Variants in MACROD2 observed in about 807,000 individuals in gnomAD.
MACROD2 encodes mono-ADP ribosylhydrolase 2.
In MACROD2, 36 loss-of-function variants were observed where a neutral mutation model predicts 70.4. The observed-to-expected ratio is 0.51, with a 90% CI of 0.39 to 0.68. The LOEUF is 0.68. Ranked by LOEUF, MACROD2 falls within the 30% of genes least tolerant of loss-of-function variation. The pLI, the probability that MACROD2 is intolerant of heterozygous loss-of-function variation, is 0.00. For missense variants in MACROD2, 496 were observed against 538.4 expected (o/e 0.92, Z 0.78); for synonymous variants, 172 against 178.8 (o/e 0.96, Z 0.30).
chr20:15,663,483 A>C (rs745651723), intron 8 of MACROD2, among the ~76,000 whole-genome samples: 2 of 151,904 alleles, frequency 1.3e-5, no homozygotes, highest in Non-Finnish European at 2.9e-5. Context: ...TGATCTGCCC[A>C]CCTCGGCCTC....
intron 5 of MACROD2, among the ~76,000 whole-genome samples, chr20:14,773,435 G>GT (rs2072196379): frequency 6.6e-6 from 1 of 151,880 alleles, no homozygotes; most frequent in South Asian, 2.1e-4. Flanking sequence ...TTGAGTTTGA[G>GT]TTTTTAGACT....
intron 3 of MACROD2, among the ~76,000 whole-genome samples, chr20:14,348,291 T>G (rs867185427): frequency 5.1e-5 from 7 of 137,524 alleles, no homozygotes; most frequent in African/African-American, 1.9e-4. Context: ...ATAAATAAAA[T>G]AAAGAAAGAA....
At chr20:15,525,300 G>T (rs2047707108) in intron 8 of MACROD2, among the ~76,000 whole-genome samples, 1 of 152,194 alleles carries the variant, frequency 6.6e-6, no homozygotes, top group South Asian at 2.1e-4. Flanking sequence ...CAAGGAAAGG[G>T]ATCATGTGCT....
chr20:14,180,958 CAT>C (rs2081300400), intron 3 of MACROD2, among the ~76,000 whole-genome samples: 1 of 151,888 alleles, frequency 6.6e-6, no homozygotes, highest in South Asian at 2.1e-4. Flanking sequence ...TTGGAAGAAA[CAT>C]GTATTCACTA....
At chr20:15,382,531 A>C (rs1344329930) in intron 6 of MACROD2, among the ~76,000 whole-genome samples, 5 of 152,216 alleles carry the variant, frequency 3.3e-5, no homozygotes, top group African/African-American at 1.2e-4. Flanking sequence ...ATAAACGTAG[A>C]CAGGAATGAA....
Position 15,967,591 on chromosome 20 carries a change from G to C in MACROD2, c.946G>C (p.Val316Leu). Reference sequence around the variant, plus strand: ...TGAAAATATTACAAAAGGCGGTGAAGTGACAGATCATTCTGTGCGTGACCA... The same window carrying C: ...TGAAAATATTACAAAAGGCGGTGAACTGACAGATCATTCTGTGCGTGACCA... ...KDENITKGGE[V>L]TDHSVRDQDH... Residue 316 changes from valine (V) to leucine (L), a missense_variant, in exon 13 of 18, where the codon GTG becomes CTG. Transcript: ENST00000684519. 6.2e-7 allele frequency: 1 copy of C among 1,608,116 alleles called. No homozygotes were observed. The highest frequency in any genetic ancestry group is 8.5e-7 in the Non-Finnish European group (1 of 1,177,098).
At chr20:14,379,037 A>T (rs986646551) in intron 3 of MACROD2, among the ~76,000 whole-genome samples, 4 of 152,170 alleles carry the variant, frequency 2.6e-5, no homozygotes, top group Admixed American at 2.0e-4. Context: ...CCCAATAATA[A>T]TAATGACTAG....
intron 13 of MACROD2, among the ~76,000 whole-genome samples, chr20:15,970,543 TG>T (rs2066214545): frequency 6.6e-6 from 1 of 152,100 alleles, no homozygotes; most frequent in African/African-American, 2.4e-5. Flanking sequence ...ATTGCCCAGC[TG>T]GCTGCCTGGA....
chr20:14,625,177 A>T (rs1208658620), intron 4 of MACROD2, among the ~76,000 whole-genome samples: 3 of 151,918 alleles, frequency 2.0e-5, no homozygotes, highest in Admixed American at 6.6e-5. Context: ...AAAGACAATA[A>T]TTAGCTAGGC....
At chr20:14,339,866 T>A (rs532220736) in intron 3 of MACROD2, among the ~76,000 whole-genome samples, 1 of 152,332 alleles carries the variant, frequency 6.6e-6, no homozygotes, top group East Asian at 1.9e-4. Context: ...GGCAAACTCT[T>A]AGTAGAATCT....
chr20:15,035,746 AC>A (rs1201742488), intron 5 of MACROD2, among the ~76,000 whole-genome samples: 1 of 152,212 alleles, frequency 6.6e-6, no homozygotes, highest in Non-Finnish European at 1.5e-5. Context: ...AGGATCTTTA[AC>A]TAGACAGAGG....
chr20:14,501,893 T>C (rs2084918967), intron 4 of MACROD2, among the ~76,000 whole-genome samples: 1 of 152,210 alleles, frequency 6.6e-6, no homozygotes, highest in Admixed American at 6.5e-5. Flanking sequence ...ATTTTAAAGT[T>C]AGGAAGTACT....
chr20:15,153,686 A>G (rs2076287374), intron 5 of MACROD2, among the ~76,000 whole-genome samples: 2 of 152,218 alleles, frequency 1.3e-5, no homozygotes, highest in South Asian at 4.1e-4. Context: ...CAATTATGTG[A>G]AGCCTTAAAA....
intron 10 of MACROD2, among the ~76,000 whole-genome samples, chr20:15,904,045 A>T (rs2065105408): frequency 6.6e-6 from 1 of 152,218 alleles, no homozygotes; most frequent in Non-Finnish European, 1.5e-5. Flanking sequence ...GTTATGCTTA[A>T]TTCAAACATT....
intron 5 of MACROD2, among the ~76,000 whole-genome samples, chr20:14,798,866 T>C (rs2122132340): frequency 6.6e-6 from 1 of 152,146 alleles, no homozygotes; most frequent in Admixed American, 6.6e-5. Context: ...TTGTTTTAAA[T>C]CTTTCTACTA....
At chr20:14,752,771 A>G (rs2071890930) in intron 5 of MACROD2, among the ~76,000 whole-genome samples, 4 of 152,070 alleles carry the variant, frequency 2.6e-5, no homozygotes, top group Admixed American at 2.6e-4. Context: ...ATATCATGAG[A>G]CACAGATTTT....
chr20:14,091,298 C>T (rs1403899660), intron 3 of MACROD2, among the ~76,000 whole-genome samples: 1 of 151,954 alleles, frequency 6.6e-6, no homozygotes, highest in African/African-American at 2.4e-5. Context: ...ATTGAACTTA[C>T]AGTAGAGAGT....
At position 14,258,294 on chromosome 20, in the gene MACROD2, T is replaced by A. The variant is rs536284048; in HGVS notation, c.271+172566T>A. 2.0e-5 allele frequency among the ~76,000 whole-genome samples: 3 copies of A among 152,278 alleles called. No individual in the cohort carries two copies. The East Asian group carries it at 5.8e-4, about 29-fold the overall frequency. On this transcript the variant is annotated intron_variant, in intron 3 of 17. Coordinates refer to ENST00000684519, the MANE Select transcript of MACROD2 (RefSeq NM_001351661.2). ...GTCAAATGGTAGTCCTACTTTTAGT[T>A]CTTTAAAGAATCTCCATACTGGTTG...
intron 5 of MACROD2, among the ~76,000 whole-genome samples, chr20:15,032,578 A>G (rs1041625805): frequency 6.6e-6 from 1 of 152,230 alleles, no homozygotes; most frequent in Non-Finnish European, 1.5e-5. Flanking sequence ...ACATTTGCTC[A>G]ATAATTGGTC....
Sources: allele counts gnomAD v4.1 joint callset (sites outside exome capture counted in the v4.1 genomes callset), GRCh38; gene constraint gnomAD v4.1.1; transcripts MANE v1.5; gene names NCBI Gene and HGNC (gene_info 2026-07-23, HGNC 2026-07-21).